The following FBXL13 variants were observed in gnomAD, a reference collection of about 807,000 sequenced individuals.
FBXL13 encodes F-box and leucine rich repeat protein 13.
FBXL13 carries 67 observed loss-of-function variants against 83.6 expected under a neutral mutation model. The observed-to-expected ratio is 0.80, with a 90% confidence interval of 0.66 to 0.98. The LOEUF is 0.98. FBXL13 is among the 50% of genes least tolerant of loss of function. The probability of loss-of-function intolerance (pLI) is 0.00; values close to 1 mark genes in which losing one functional copy is unlikely to be tolerated. For missense variants in FBXL13, 822 were observed against 866.5 expected (o/e 0.95, Z 0.64); for synonymous variants, 272 against 299.5 (o/e 0.91, Z 0.95).
In FBXL13 at chr7:102,823,663, A is replaced by T. The variant is rs186941556; in HGVS notation, c.1855-1460T>A. On this transcript the variant is annotated intron_variant, in intron 18 of 19. Transcript: ENST00000313221. ...CAACTAGATTACTCTCTCCAAAGGAATTTTTTTCCAACTGGATTCAATTTC... is the reference window on the plus strand; with the variant it reads ...CAACTAGATTACTCTCTCCAAAGGATTTTTTTTCCAACTGGATTCAATTTC... Among the ~76,000 whole-genome samples the T allele has an allele frequency of 2.8e-4, 42 of 152,334 alleles. No individual in the cohort carries two copies. The East Asian group carries it at 7.3e-3, about 27-fold the overall frequency.
At chr7:103,070,421 G>C (rs1798835809) in intron 1 of FBXL13, among the ~76,000 whole-genome samples, 1 of 152,034 alleles carries the variant, frequency 6.6e-6, no homozygotes, top group South Asian at 2.1e-4. Flanking sequence ...TAGAGACAGG[G>C]TTTCAGCTGG....
chr7:102,981,517 C>A, intron 6 of FBXL13, among the ~76,000 whole-genome samples: 1 of 152,186 alleles, frequency 6.6e-6, no homozygotes, highest in Non-Finnish European at 1.5e-5. Context: ...AAAGAGCATT[C>A]TCCTATTGTC....
intron 6 of FBXL13, among the ~76,000 whole-genome samples, chr7:103,004,043 C>G (rs1199011250): frequency 6.6e-6 from 1 of 152,224 alleles, no homozygotes. Context: ...CATCTTATTA[C>G]TATCAATCAC....
At chr7:102,886,030 AG>A in intron 11 of FBXL13, among the ~76,000 whole-genome samples, 1 of 152,316 alleles carries the variant, frequency 6.6e-6, no homozygotes, top group South Asian at 2.1e-4. Context: ...GTAGCTTTGT[AG>A]TACCGATTTC....
At chr7:103,044,270 T>C (rs1284920072) in intron 2 of FBXL13, among the ~76,000 whole-genome samples, 2 of 152,192 alleles carry the variant, frequency 1.3e-5, no homozygotes, top group African/African-American at 4.8e-5. Flanking sequence ...AGAATTCTTG[T>C]CCATTACAAG....
intron 8 of FBXL13, among the ~76,000 whole-genome samples, chr7:102,952,526 G>A (rs1434199201): frequency 3.3e-5 from 5 of 152,052 alleles, no homozygotes; most frequent in Admixed American, 3.3e-4. Flanking sequence ...AAGTAAAAAG[G>A]ATCATAACAG....
At chr7:103,065,863 T>C (rs1289190658) in intron 1 of FBXL13, among the ~76,000 whole-genome samples, 5 of 152,242 alleles carry the variant, frequency 3.3e-5, no homozygotes, top group African/African-American at 1.2e-4. Flanking sequence ...AGACGCCCCC[T>C]GCTGGGGTGC....
exon 6 of FBXL13, chr7:103,025,091 G>A (rs1479485825): frequency 6.2e-7 from 1 of 1,611,310 alleles, no homozygotes; most frequent in South Asian, 1.1e-5. Context: ...AGGTAACAGT[G>A]AAATGTCACA....
intron 8 of FBXL13, chr7:102,944,219 T>A (rs1190437189): frequency 6.2e-7 from 1 of 1,602,408 alleles, no homozygotes; most frequent in Non-Finnish European, 8.5e-7. Context: ...GCCGCTTTTT[T>A]AGGGCTCACA....
At position 102,915,601 on chromosome 7, in the gene FBXL13, A is replaced by T. The variant is rs146466583; in HGVS notation, c.879-2386T>A. ...TGCTTAACTTTTTTTAATGTCACAG[A>T]CACCTTTGGCTTTTGGCAGTCAGCT... is the stretch of plus-strand genomic sequence containing the variant. On this transcript the variant is annotated intron_variant, in intron 10 of 19. Coordinates refer to ENST00000313221, the Ensembl canonical transcript of FBXL13. Among the ~76,000 whole-genome samples, 568 of 152,326 alleles carry T rather than the reference A, an allele frequency of 3.7e-3. 5 individuals carry two copies. Among genetic ancestry groups the T allele is most frequent in the African/African-American group, 0.013 (561 of 41,578 alleles).
intron 12 of FBXL13, 103 bp downstream of exon 13, chr7:102,884,111 A>C: frequency 1.2e-6 from 1 of 835,868 alleles, no homozygotes; most frequent in Non-Finnish European, 2.0e-6. Context: ...ATTTTAAAAT[A>C]ACTAAAATGA....
intron 8 of FBXL13, among the ~76,000 whole-genome samples, chr7:102,954,024 C>T (rs555032360): frequency 2.6e-5 from 4 of 152,252 alleles, no homozygotes; most frequent in South Asian, 2.1e-4. Flanking sequence ...ACGCAGAAGA[C>T]GGGTGATTTC....
At chr7:102,870,100 G>A (rs144613081) in intron 16 of FBXL13, among the ~76,000 whole-genome samples, 37 of 152,128 alleles carry the variant, frequency 2.4e-4, no homozygotes, top group African/African-American at 8.2e-4. Context: ...ACATGGAAAC[G>A]GCATGCCAAT....
chr7:103,066,075 C>A (rs1316948205), intron 1 of FBXL13, among the ~76,000 whole-genome samples: 1 of 152,236 alleles, frequency 6.6e-6, no homozygotes, highest in Non-Finnish European at 1.5e-5. Flanking sequence ...ATGCCAAGGT[C>A]TAGATCATGA....
chr7:102,918,082 T>C (rs535300449), intron 10 of FBXL13, among the ~76,000 whole-genome samples: 1 of 152,306 alleles, frequency 6.6e-6, no homozygotes, highest in Non-Finnish European at 1.5e-5. Flanking sequence ...CTAAAAGCAA[T>C]GAAGAGAGAA....
intron 1 of FBXL13, among the ~76,000 whole-genome samples, chr7:103,072,430 T>A (rs1799057672): frequency 6.6e-6 from 1 of 152,138 alleles, no homozygotes; most frequent in Admixed American, 6.5e-5. Flanking sequence ...TATAAGGGCC[T>A]CCTCTATGGG....
intron 2 of FBXL13, among the ~76,000 whole-genome samples, chr7:103,050,417 C>T (rs529672963): frequency 2.6e-5 from 4 of 152,230 alleles, no homozygotes; most frequent in East Asian, 1.9e-4. Context: ...TAACTTTTTT[C>T]GTTTTGGCCA....
chr7:103,026,578 C>T (rs1793935121), intron 5 of FBXL13, among the ~76,000 whole-genome samples: 1 of 152,172 alleles, frequency 6.6e-6, no homozygotes, highest in Non-Finnish European at 1.5e-5. Flanking sequence ...CAGCTCAAAA[C>T]CTATAGATTA....
chr7:102,977,197 T>A (rs1178763038), intron 6 of FBXL13, among the ~76,000 whole-genome samples: 2 of 152,154 alleles, frequency 1.3e-5, no homozygotes, highest in Non-Finnish European at 2.9e-5. Context: ...GTTATCGCAC[T>A]CCCATATATA....
Sources: allele counts gnomAD v4.1 joint callset (sites outside exome capture counted in the v4.1 genomes callset), GRCh38; gene constraint gnomAD v4.1.1; transcripts MANE v1.5; gene names NCBI Gene and HGNC (gene_info 2026-07-23, HGNC 2026-07-21).